Variants in IGSF11 observed in about 807,000 individuals in gnomAD.
IGSF11 encodes CXADR like 1.
A neutral mutation model predicts 41.0 loss-of-function variants in IGSF11; 22 were observed. The observed-to-expected ratio is 0.54, with a 90% confidence interval of 0.38 to 0.77. The LOEUF (loss-of-function observed/expected upper bound fraction) is 0.77, where lower values mean the gene tolerates loss of function less well. IGSF11 is among the 30% of genes least tolerant of loss of function. IGSF11 has a pLI of 0.00. For missense variants in IGSF11, 444 were observed against 530.8 expected (o/e 0.84, Z 1.61); for synonymous variants, 219 against 201.3 (o/e 1.09, Z -0.74).
rs1327311337 is a variant in IGSF11 at position 119,034,586 on chromosome 3, G to A, written c.-4C>T. 1.3e-6 allele frequency: 2 copies of A among 1,587,466 alleles called. No homozygotes were observed. The highest frequency in any genetic ancestry group is 1.7e-6 in the Non-Finnish European group (2 of 1,168,332). On this transcript the variant is annotated 5_prime_UTR_variant, in exon 1 of 7. Coordinates refer to ENST00000393775, the MANE Select transcript of IGSF11 (RefSeq NM_001015887.3). ...GAGGGGAACGCTGAGAAGTCATCCC[G>A]GGGCCGCAGGGAGCGCGCCTGCCTC...
intron 1 of IGSF11, among the ~76,000 whole-genome samples, chr3:119,001,462 GTTTT>G (rs1379757253): frequency 8.1e-6 from 1 of 123,584 alleles, no homozygotes; most frequent in African/African-American, 4.0e-5. Context: ...CTGGCCCCAG[GTTTT>G]CTTTTTTTTT....
chr3:119,125,918 C>A (rs895081332), intron 1 of IGSF11, among the ~76,000 whole-genome samples: 1 of 152,212 alleles, frequency 6.6e-6, no homozygotes, highest in African/African-American at 2.4e-5. Flanking sequence ...AGACCCCGCT[C>A]GCGAACCCAT....
At chr3:118,938,776 CAAAGAGTTTGGGAA>C (rs573798294) in intron 1 of IGSF11, among the ~76,000 whole-genome samples, 54 of 152,146 alleles carry the variant, frequency 3.5e-4, no homozygotes, top group African/African-American at 1.1e-3. Context: ...TTTGGGAAAG[CAAAGAGTTTGGGAA>C]AGCAGTAGCA....
intron 1 of IGSF11, among the ~76,000 whole-genome samples, chr3:118,975,430 C>T (rs1933978879): frequency 6.6e-6 from 1 of 151,222 alleles, no homozygotes; most frequent in South Asian, 2.1e-4. Flanking sequence ...TCATATACTT[C>T]CACAAACCTG....
chr3:118,953,039 T>A (rs1192167873), intron 1 of IGSF11, among the ~76,000 whole-genome samples: 1 of 152,054 alleles, frequency 6.6e-6, no homozygotes, highest in Non-Finnish European at 1.5e-5. Flanking sequence ...TAGTCTTTTA[T>A]CCCGCATCCC....
At chr3:119,123,541 C>G (rs189081980) in intron 1 of IGSF11, among the ~76,000 whole-genome samples, 68 of 152,310 alleles carry the variant, frequency 4.5e-4, no homozygotes, top group African/African-American at 1.5e-3. Context: ...TTACAGCAAG[C>G]CTTGGGCAAG....
chr3:118,947,815 A>C (rs1352784618), intron 1 of IGSF11: 1 of 152,174 alleles, frequency 6.6e-6, no homozygotes, highest in Admixed American at 6.5e-5. Context: ...AGTTTTGCCT[A>C]TTGTTAACTT....
intron 4 of IGSF11, among the ~76,000 whole-genome samples, chr3:118,906,513 A>C (rs1295423744): frequency 1.3e-5 from 2 of 152,180 alleles, no homozygotes; most frequent in Admixed American, 1.3e-4. Context: ...CTAATTCCTC[A>C]TCACTGGCTG....
chr3:118,945,852 T>A (rs561505421), intron 1 of IGSF11: 1 of 152,214 alleles, frequency 6.6e-6, no homozygotes, highest in Non-Finnish European at 1.5e-5. Context: ...ATTGTCTCCT[T>A]CTGTTCTGTG....
At chr3:118,979,946 C>A (rs1934535025) in intron 1 of IGSF11, among the ~76,000 whole-genome samples, 1 of 151,988 alleles carries the variant, frequency 6.6e-6, no homozygotes, top group African/African-American at 2.4e-5. Flanking sequence ...AAATACAAAT[C>A]AAAACCACAA....
At position 118,902,389 on chromosome 3, in the gene IGSF11, CCTT is replaced by C. The variant is rs1213478208; in HGVS notation, c.*128_*130del. The stretch of plus-strand genomic sequence containing the variant: ...TCTTAGTGGCCAAGTAACAGCACTG[CCTT>C]CTTCTTTGTGCATTTTACTAATATA... On this transcript the variant is annotated 3_prime_UTR_variant, in exon 7 of 7. Coordinates refer to ENST00000393775, the MANE Select transcript of IGSF11 (RefSeq NM_001015887.3). 1.5e-5 allele frequency: 11 copies of C among 722,354 alleles called. No individual in the cohort carries two copies. Among genetic ancestry groups the C allele is most frequent in the Non-Finnish European group, 2.3e-5 (10 of 435,404 alleles). The allele number at this position is 722,354 out of a possible 1,614,324, so 44.7% of individuals were successfully genotyped here.
intron 1 of IGSF11, among the ~76,000 whole-genome samples, chr3:119,014,789 G>C (rs894229054): frequency 6.6e-6 from 1 of 152,146 alleles, no homozygotes; most frequent in Non-Finnish European, 1.5e-5. Context: ...GTATCTTCCA[G>C]ATCTACAATT....
Position 118,930,198 on chromosome 3 carries a change from A to T in IGSF11, c.130T>A (p.Cys44Ser). ...VARGQPAVLP[C>S]TFTTSAALIN... ...AGGGCAGCGCTGGTAGTGAAAGTGCAGGGCAGGACTGCTGGCTGACCCCGG... is the reference window on the plus strand; with the variant it reads ...AGGGCAGCGCTGGTAGTGAAAGTGCTGGGCAGGACTGCTGGCTGACCCCGG... Residue 44 changes from cysteine (C) to serine (S), a missense_variant, in exon 2 of 7, where the codon TGC becomes AGC. Physicochemically the swap from Cys to Ser is moderately radical, Grantham distance 112. Around this residue, in one of 3 missense-constraint regions of IGSF11, gnomAD observed 193 missense variants for 283.5 expected, o/e 0.68. Transcript: ENST00000393775. The T allele has an allele frequency of 6.2e-7, 1 of 1,614,090 alleles. No individual in the cohort carries two copies. The highest frequency in any genetic ancestry group is 8.5e-7 in the Non-Finnish European group (1 of 1,179,944).
At chr3:119,135,859 TACACCATGGAATACTATGCAGCCATAAA>T (rs2077554104) in intron 1 of IGSF11, among the ~76,000 whole-genome samples, 1 of 152,154 alleles carries the variant, frequency 6.6e-6, no homozygotes. Flanking sequence ...GTGGCACATA[TACACCATGGAATACTATGCAGCCATAAA>T]GAAGAATGAG....
At chr3:119,029,272 A>ACACACACACC (rs1361001947) in intron 1 of IGSF11, among the ~76,000 whole-genome samples, 2 of 145,216 alleles carry the variant, frequency 1.4e-5, no homozygotes, top group Non-Finnish European at 3.0e-5. Context: ...ACACACACAC[A>ACACACACACC]CACCCGAGAG....
At chr3:119,001,706 G>C (rs1936890042) in intron 1 of IGSF11, among the ~76,000 whole-genome samples, 1 of 148,194 alleles carries the variant, frequency 6.7e-6, no homozygotes, top group African/African-American at 2.5e-5. Context: ...CCATCTATGA[G>C]TGAGAATATG....
chr3:119,115,391 T>A lies in IGSF11; in HGVS notation c.-13-10186A>T, dbSNP rs2077241729. On this transcript the variant is annotated intron_variant, in intron 1 of 7. Coordinates refer to the IGSF11 transcript ENST00000425327. ...ACAGGGTACAAGGGTTCCCTTTTCCTCACATCCTTGGCAGCATTTGTTAAT... is the reference window on the plus strand; with the variant it reads ...ACAGGGTACAAGGGTTCCCTTTTCCACACATCCTTGGCAGCATTTGTTAAT... Among the ~76,000 whole-genome samples the A allele has an allele frequency of 2.0e-5, 3 of 152,198 alleles. No individual in the cohort carries two copies. In the South Asian group the frequency reaches 6.2e-4, roughly 32 times the overall value.
intron 1 of IGSF11, among the ~76,000 whole-genome samples, chr3:119,074,328 T>C (rs2076455068): frequency 6.6e-6 from 1 of 151,978 alleles, no homozygotes; most frequent in Non-Finnish European, 1.5e-5. Flanking sequence ...TGGACCACAG[T>C]GCAATAAAAA....
chr3:119,056,254 A>G (rs1253876082), intron 1 of IGSF11, among the ~76,000 whole-genome samples: 1 of 152,212 alleles, frequency 6.6e-6, no homozygotes, highest in Admixed American at 6.5e-5. Context: ...AGAGAGAAGA[A>G]TCAAATAGAC....
Sources: allele counts gnomAD v4.1 joint callset (sites outside exome capture counted in the v4.1 genomes callset), GRCh38; gene constraint gnomAD v4.1.1; regional missense constraint gnomAD v4.1.1; transcripts MANE v1.5; gene names NCBI Gene and HGNC (gene_info 2026-07-23, HGNC 2026-07-21).